The following SCN9A variants were observed in gnomAD, a reference collection of about 807,000 sequenced individuals.
The protein encoded by SCN9A is sodium channel protein type 9 subunit alpha.
A neutral mutation model predicts 187.0 loss-of-function variants in SCN9A; 131 were observed. The observed-to-expected ratio is 0.70, with a 90% CI of 0.61 to 0.81. The LOEUF (loss-of-function observed/expected upper bound fraction) is 0.81, where lower values mean the gene tolerates loss of function less well. SCN9A is among the 30% of genes least tolerant of loss of function. The pLI, the probability that SCN9A is intolerant of heterozygous loss-of-function variation, is 0.00. For missense variants in SCN9A, 2,252 were observed against 2,396.6 expected (o/e 0.94, Z 1.26); for synonymous variants, 809 against 808.6 (o/e 1.00, Z -0.01).
In SCN9A at chr2:166,369,312, G is replaced by A. The variant is rs144365987; in HGVS notation, c.-51+6385C>T. Among the ~76,000 whole-genome samples, 614 of 152,154 alleles carry A rather than the reference G, an allele frequency of 4.0e-3. 2 individuals carry two copies. The highest frequency in any genetic ancestry group is 0.013 in the African/African-American group (559 of 41,542). On this transcript the variant is annotated intron_variant, in intron 1 of 26. Transcript: ENST00000642356. ...AAACTTCCTTTCACTATACTAATTT[G>A]AACTCAAATTTATTTATCTGTGCTT...
chr2:166,291,651 A>C (rs1047525742), intron 9 of SCN9A, among the ~76,000 whole-genome samples: 1 of 152,220 alleles, frequency 6.6e-6, no homozygotes. Flanking sequence ...TGGAGGCATC[A>C]GCCTACCTGA....
chr2:166,297,806 C>T (rs914449235), intron 7 of SCN9A, among the ~76,000 whole-genome samples: 1 of 151,998 alleles, frequency 6.6e-6, no homozygotes, highest in Non-Finnish European at 1.5e-5. Flanking sequence ...GGGAATGCAG[C>T]ATAACGGCAA....
intron 1 of SCN9A, among the ~76,000 whole-genome samples, chr2:166,319,557 C>T (rs1699188600): frequency 6.6e-6 from 1 of 151,996 alleles, no homozygotes; most frequent in Admixed American, 6.6e-5. Flanking sequence ...CTTCAAGTAG[C>T]AGAGTTTGAA....
At chr2:166,345,777 C>G (rs1699885987) in intron 1 of SCN9A, among the ~76,000 whole-genome samples, 1 of 152,088 alleles carries the variant, frequency 6.6e-6, no homozygotes, top group Admixed American at 6.6e-5. Context: ...ACTACTACCT[C>G]CTCCCCAAAT....
chr2:166,369,481 T>C (rs1210212487), intron 1 of SCN9A, among the ~76,000 whole-genome samples: 1 of 152,200 alleles, frequency 6.6e-6, no homozygotes, highest in Admixed American at 6.5e-5. Context: ...ATAAGAACCT[T>C]ATTCCCAGTT....
At chr2:166,373,901 A>T (rs952478647) in intron 1 of SCN9A, among the ~76,000 whole-genome samples, 3 of 152,232 alleles carry the variant, frequency 2.0e-5, no homozygotes, top group African/African-American at 7.2e-5. Context: ...TTATTCATGT[A>T]AAATGAAAAA....
At chr2:166,285,791 G>C (rs894443779) in intron 11 of SCN9A, among the ~76,000 whole-genome samples, 1 of 152,038 alleles carries the variant, frequency 6.6e-6, no homozygotes, top group East Asian at 1.9e-4. Flanking sequence ...AGAGATGAAG[G>C]TTTCAGTGAA....
chr2:166,316,102 C>A lies in SCN9A; in HGVS notation c.-50-4296G>T, dbSNP rs1326887156. Among the ~76,000 whole-genome samples, 3 of 151,842 alleles carry A rather than the reference C, an allele frequency of 2.0e-5. 1 individual carries two copies. The highest frequency in any genetic ancestry group is 4.4e-5 in the Non-Finnish European group (3 of 67,970). On this transcript the variant is annotated intron_variant, in intron 1 of 26. Coordinates refer to ENST00000642356, the MANE Select transcript of SCN9A (RefSeq NM_001365536.1). ...AAGGTTTTTAAAAGTGGAAGGCATCCACAAAATAAAAAAAGTACAATACAA... is the reference window on the plus strand; with the variant it reads ...AAGGTTTTTAAAAGTGGAAGGCATCAACAAAATAAAAAAAGTACAATACAA...
chr2:166,255,174 C>A (rs1696215019), intron 17 of SCN9A, among the ~76,000 whole-genome samples: 1 of 150,430 alleles, frequency 6.6e-6, no homozygotes. Flanking sequence ...CAGTGTGCAT[C>A]CATACAACAC....
At chr2:166,222,356 G>A (rs1355230414) in intron 24 of SCN9A, among the ~76,000 whole-genome samples, 8 of 152,242 alleles carry the variant, frequency 5.3e-5, no homozygotes, top group Non-Finnish European at 1.2e-4. Flanking sequence ...AGGGCCAGGT[G>A]CAGTGGCTCA....
At chr2:166,304,657 C>A (rs1341970166) in intron 5 of SCN9A, among the ~76,000 whole-genome samples, 1 of 151,918 alleles carries the variant, frequency 6.6e-6, no homozygotes, top group Non-Finnish European at 1.5e-5. Flanking sequence ...TGCTAAGTGT[C>A]AGACACAAAA....
At chr2:166,235,235 A>G (rs554552290) in intron 20 of SCN9A, among the ~76,000 whole-genome samples, 6 of 152,250 alleles carry the variant, frequency 3.9e-5, no homozygotes, top group African/African-American at 1.4e-4. Flanking sequence ...TCTCCAAGCC[A>G]CTGTTAAGTG....
At chr2:166,281,974 T>C (rs1277093121) in intron 12 of SCN9A, among the ~76,000 whole-genome samples, 166 bp from the exon 13 acceptor site, 1 of 152,196 alleles carries the variant, frequency 6.6e-6, no homozygotes, top group Non-Finnish European at 1.5e-5. Context: ...ATAGGAGAGC[T>C]ACTTAACTGT....
intron 1 of SCN9A, among the ~76,000 whole-genome samples, chr2:166,374,909 G>T (rs1391271088): frequency 1.3e-5 from 2 of 150,130 alleles, no homozygotes; most frequent in Non-Finnish European, 1.5e-5. Context: ...ATCTATGAAC[G>T]CTCCAACTTA....
chr2:166,359,255 A>G (rs938989834), intron 1 of SCN9A, among the ~76,000 whole-genome samples: 2 of 152,240 alleles, frequency 1.3e-5, no homozygotes, highest in South Asian at 4.1e-4. Context: ...GAAAATTTCT[A>G]TTTTTATTTT....
chr2:166,266,534 G>A (rs1037808296), intron 17 of SCN9A, among the ~76,000 whole-genome samples: 1 of 148,386 alleles, frequency 6.7e-6, no homozygotes, highest in East Asian at 2.0e-4. Flanking sequence ...AGGTTACTTG[G>A]GCTATTTAGG....
At chr2:166,324,589 A>C (rs1318147733) in intron 1 of SCN9A, among the ~76,000 whole-genome samples, 1 of 152,128 alleles carries the variant, frequency 6.6e-6, no homozygotes, top group Non-Finnish European at 1.5e-5. Flanking sequence ...GAGAACCTAA[A>C]AAGTTTATTT....
chr2:166,335,592 C>T (rs764096123), intron 1 of SCN9A, among the ~76,000 whole-genome samples: 1 of 152,096 alleles, frequency 6.6e-6, no homozygotes, highest in Admixed American at 6.6e-5. Context: ...TAGGGGCAGG[C>T]ACTGACAGGG....
intron 23 of SCN9A, 141 bp downstream of exon 23, chr2:166,227,529 C>G: frequency 1.5e-6 from 1 of 648,006 alleles, no homozygotes; most frequent in East Asian, 2.8e-5. Context: ...GTACTCACAA[C>G]CACTAGGCTA....
Sources: allele counts gnomAD v4.1 joint callset (sites outside exome capture counted in the v4.1 genomes callset), GRCh38; gene constraint gnomAD v4.1.1; transcripts MANE v1.5; gene names NCBI Gene and HGNC (gene_info 2026-07-23, HGNC 2026-07-21).